The following FSHR variants were observed in gnomAD, a reference collection of about 807,000 sequenced individuals.
FSHR encodes follicle stimulating hormone receptor, also known as follicle-stimulating hormone receptor.
In FSHR, 46 loss-of-function variants were observed where a neutral mutation model predicts 52.1. The observed-to-expected ratio is 0.88, with a 90% CI of 0.70 to 1.13. The LOEUF (loss-of-function observed/expected upper bound fraction) is 1.13, where lower values mean the gene tolerates loss of function less well. FSHR is among the 50% of genes most tolerant of loss of function. The pLI is 0.00. For synonymous variants in FSHR, 399 were observed against 309.6 expected (o/e 1.29, Z -3.03); for missense variants, 964 against 834.6 (o/e 1.16, Z -1.91).
At chr2:49,107,325 T>C (rs536574520) in intron 1 of FSHR, among the ~76,000 whole-genome samples, 1 of 152,242 alleles carries the variant, frequency 6.6e-6, no homozygotes, top group African/African-American at 2.4e-5. Flanking sequence ...TGATCTCCTC[T>C]GGGCAAGTGC....
intron 1 of FSHR, among the ~76,000 whole-genome samples, chr2:49,085,122 C>T (rs1670325474): frequency 6.6e-6 from 1 of 151,960 alleles, no homozygotes; most frequent in Non-Finnish European, 1.5e-5. Context: ...CTGAATCCAG[C>T]AGCACATCAA....
In FSHR at chr2:48,989,033, G is replaced by A. The variant is rs758509323; in HGVS notation, c.468C>T (p.Asn156=). ...KVLLDIQDNI[N]IHTIERNSFV... ...AAGAATTTCTTTCAATTGTGTGGAT[G>A]TTTATGTTATCTTGAATGTCACTAG... The change falls in exon 6 of 10, where the codon AAC becomes AAT. Residue 156 remains asparagine (N), a synonymous_variant. Transcript: ENST00000406846. The A allele has an allele frequency of 1.9e-6, 3 of 1,613,482 alleles. No homozygotes were observed. The highest frequency in any genetic ancestry group is 2.5e-6 in the Non-Finnish European group (3 of 1,179,626).
At position 49,087,531 on chromosome 2, in the gene FSHR, T is replaced by C. The variant is rs996883310; in HGVS notation, c.153-19241A>G. Among the ~76,000 whole-genome samples the C allele has an allele frequency of 2.0e-5, 3 of 152,208 alleles. No homozygotes were observed. In the East Asian group the frequency reaches 5.8e-4, roughly 29 times the overall value. ...AAGTATCTGCCCTAATTAGCTTATGTTCTAGCCAGAGAAATAGGCAATCAG... is the reference window on the plus strand; with the variant it reads ...AAGTATCTGCCCTAATTAGCTTATGCTCTAGCCAGAGAAATAGGCAATCAG... On this transcript the variant is annotated intron_variant, in intron 1 of 9. Coordinates refer to ENST00000406846, the MANE Select transcript of FSHR (RefSeq NM_000145.4).
chr2:49,044,359 A>G (rs1449446012), intron 2 of FSHR, among the ~76,000 whole-genome samples: 2 of 152,232 alleles, frequency 1.3e-5, no homozygotes, highest in South Asian at 4.1e-4. Flanking sequence ...GGTTCCTTTT[A>G]TACACCACAC....
At chr2:49,095,853 A>G (rs950747551) in intron 1 of FSHR, among the ~76,000 whole-genome samples, 1 of 152,188 alleles carries the variant, frequency 6.6e-6, no homozygotes, top group African/African-American at 2.4e-5. Flanking sequence ...GCCAATAGAC[A>G]TATGAAAAGA....
At chr2:49,099,714 T>C (rs1285106510) in intron 1 of FSHR, among the ~76,000 whole-genome samples, 2 of 151,916 alleles carry the variant, frequency 1.3e-5, no homozygotes, top group Non-Finnish European at 2.9e-5. Context: ...TGGAAGAGAT[T>C]GGAGTGATGC....
intron 8 of FSHR, among the ~76,000 whole-genome samples, chr2:48,977,594 G>T (rs1269385116): frequency 6.6e-6 from 1 of 152,118 alleles, no homozygotes; most frequent in Non-Finnish European, 1.5e-5. Flanking sequence ...GATGACAAGG[G>T]TTTATTAGGC....
Position 48,963,524 on chromosome 2 carries a change from C to G in FSHR, c.1297G>C (p.Ala433Pro). ...IHTKSQYHNY[A>P]IDWQTGAGCD... ...CCTGCCCCAGTTTGCCAGTCAATGG[C>G]ATAGTTGTGATATTGGCTCTTGGTA... is the stretch of plus-strand genomic sequence containing the variant. Residue 433 changes from alanine to proline, a missense_variant, in exon 10 of 10, where the codon GCC (alanine) becomes CCC (proline). By Grantham distance (27) the Ala-to-Pro change is conservative. Coordinates refer to ENST00000406846, the MANE Select transcript of FSHR (RefSeq NM_000145.4). 1 of 1,614,150 alleles carries G rather than the reference C, an allele frequency of 6.2e-7. No homozygotes were observed. The highest frequency in any genetic ancestry group is 8.5e-7 in the Non-Finnish European group (1 of 1,180,008).
At chr2:49,103,819 C>G (rs1181924333) in intron 1 of FSHR, among the ~76,000 whole-genome samples, 2 of 152,098 alleles carry the variant, frequency 1.3e-5, no homozygotes, top group African/African-American at 4.8e-5. Flanking sequence ...TATCTATGCC[C>G]TGGATGAAAT....
At chr2:49,104,076 G>A (rs118164826) in intron 1 of FSHR, among the ~76,000 whole-genome samples, 1 of 151,978 alleles carries the variant, frequency 6.6e-6, no homozygotes, top group Non-Finnish European at 1.5e-5. Flanking sequence ...CAGTAATCAT[G>A]CCAGTAAGAG....
At chr2:49,025,791 T>A (rs964870173) in intron 2 of FSHR, among the ~76,000 whole-genome samples, 18 of 152,192 alleles carry the variant, frequency 1.2e-4, no homozygotes, top group Admixed American at 1.2e-3. Context: ...GCTATGTTAT[T>A]ATTCCGAACC....
chr2:49,070,361 T>C (rs1375146433), intron 1 of FSHR, among the ~76,000 whole-genome samples: 1 of 152,186 alleles, frequency 6.6e-6, no homozygotes, highest in African/African-American at 2.4e-5. Context: ...ACTTCTAGAA[T>C]ATCTATCTAA....
intron 1 of FSHR, among the ~76,000 whole-genome samples, chr2:49,149,745 C>T (rs1268935893): frequency 6.6e-6 from 1 of 151,274 alleles, no homozygotes; most frequent in African/African-American, 2.4e-5. Context: ...GAGATCTAAA[C>T]CAGGATGAAA....
chr2:48,972,846 TC>T (rs929918167), intron 8 of FSHR, among the ~76,000 whole-genome samples: 6 of 152,170 alleles, frequency 3.9e-5, no homozygotes, highest in Non-Finnish European at 5.9e-5. Flanking sequence ...TGATTATGTC[TC>T]CCCCTTGAGT....
chr2:49,019,237 T>C (rs1667607730), intron 3 of FSHR, among the ~76,000 whole-genome samples: 1 of 152,212 alleles, frequency 6.6e-6, no homozygotes, highest in African/African-American at 2.4e-5. Context: ...CAAACCTATC[T>C]AATTTTATTT....
intron 2 of FSHR, among the ~76,000 whole-genome samples, chr2:49,021,871 A>ATATATATATATC (rs1667723289): frequency 1.8e-5 from 1 of 54,478 alleles, no homozygotes; most frequent in Admixed American, 2.1e-4. Flanking sequence ...CTCTATATAT[A>ATATATATATATC]TATATATATA....
rs1183756987 is a variant in FSHR, at chr2:48,962,332, T to G, written c.*401A>C. 4.2e-6 allele frequency: 1 copy of G among 240,756 alleles called. No individual in the cohort carries two copies. Among genetic ancestry groups the G allele is most frequent in the Non-Finnish European group, 8.2e-6 (1 of 122,380 alleles). The allele number at this position is 240,756 out of a possible 1,614,324, so 14.9% of individuals were successfully genotyped here. The stretch of plus-strand genomic sequence containing the variant: ...CGGAATACCTAATCCTGGCTCTGCC[T>G]CTTACAAACTAAACAATTTTGAACA... On this transcript the variant is annotated 3_prime_UTR_variant, in exon 10 of 10. Transcript: ENST00000406846.
intron 2 of FSHR, among the ~76,000 whole-genome samples, chr2:49,035,947 T>C (rs1034206269): frequency 6.6e-6 from 1 of 152,228 alleles, no homozygotes; most frequent in African/African-American, 2.4e-5. Context: ...GAGGTCAACA[T>C]CATTAGCAAG....
intron 1 of FSHR, among the ~76,000 whole-genome samples, chr2:49,135,245 T>A (rs999948914): frequency 6.6e-6 from 1 of 152,056 alleles, no homozygotes; most frequent in Non-Finnish European, 1.5e-5. Flanking sequence ...TATTTTTGAT[T>A]GAATAGAAAT....
Sources: gnomAD v4.1 joint callset for allele counts (sites outside exome capture counted in the v4.1 genomes callset) on GRCh38, gnomAD v4.1.1 for gene constraint, MANE v1.5 for transcripts, NCBI Gene and HGNC (gene_info 2026-07-23, HGNC 2026-07-21) for gene names.